The following SNX29 variants were observed in gnomAD, a reference collection of about 807,000 sequenced individuals.
SNX29 encodes the protein sorting nexin-29.
Under a neutral mutation model 102.1 loss-of-function variants are expected in SNX29, and 78 were observed. The observed-to-expected ratio is 0.76, with a 90% CI of 0.64 to 0.92. SNX29 has a LOEUF of 0.92. Ranked by LOEUF, SNX29 falls within the 40% of genes least tolerant of loss-of-function variation. SNX29 has a pLI of 0.00. For synonymous variants in SNX29, 580 were observed against 414.5 expected (o/e 1.40, Z -4.85); for missense variants, 1,280 against 1,061.7 (o/e 1.21, Z -2.86).
intron 15 of SNX29, among the ~76,000 whole-genome samples, chr16:12,310,932 C>T (rs1325068574): frequency 1.3e-5 from 2 of 152,164 alleles, no homozygotes; most frequent in African/African-American, 4.8e-5. Flanking sequence ...TAGCACATCC[C>T]CCACAGGGGA....
chr16:12,203,229 GGGTGGACT>G (rs1445642514), intron 14 of SNX29, among the ~76,000 whole-genome samples: 2 of 115,572 alleles, frequency 1.7e-5, no homozygotes. Flanking sequence ...CCCCACTCTC[GGGTGGACT>G]GGTGGTATTG....
chr16:12,367,258 C>T (rs1433252616), intron 16 of SNX29: 1 of 152,280 alleles, frequency 6.6e-6, no homozygotes, highest in Admixed American at 6.5e-5. Context: ...ATTTTCCTAC[C>T]CTCAGAGCCT....
intron 13 of SNX29, among the ~76,000 whole-genome samples, chr16:12,165,047 C>G (rs2055955280): frequency 6.6e-6 from 1 of 152,272 alleles, no homozygotes; most frequent in African/African-American, 2.4e-5. Context: ...CATTTGCCAT[C>G]ATGTGAGTGA....
chr16:12,097,542 A>AT (rs34337910), intron 11 of SNX29, among the ~76,000 whole-genome samples: 100,612 of 149,056 alleles, frequency 0.67, 35,271 homozygotes, highest in East Asian at 0.91. Flanking sequence ...GCCACACATG[A>AT]TTTTTTTTTT....
intron 3 of SNX29, among the ~76,000 whole-genome samples, 173 bp downstream of exon 3, chr16:12,003,216 G>A (rs911313988): frequency 6.6e-6 from 1 of 152,246 alleles, no homozygotes; most frequent in Admixed American, 6.5e-5. Context: ...CTCAACCGTG[G>A]ACTCTGTGCG....
intron 13 of SNX29, among the ~76,000 whole-genome samples, chr16:12,133,259 T>G (rs2054537893): frequency 6.6e-6 from 1 of 151,192 alleles, no homozygotes; most frequent in Non-Finnish European, 1.5e-5. Flanking sequence ...TTAACTTCTC[T>G]GTTTCTGTTT....
At chr16:12,480,251 C>G (rs1310490841) in intron 19 of SNX29, among the ~76,000 whole-genome samples, 1 of 152,156 alleles carries the variant, frequency 6.6e-6, no homozygotes, top group Non-Finnish European at 1.5e-5. Flanking sequence ...GAGCTAAAAT[C>G]AAGACGTCAC....
At chr16:12,277,896 G>A in intron 14 of SNX29, 37 bp from the exon 15 acceptor site, 2 of 1,548,032 alleles carry the variant, frequency 1.3e-6, no homozygotes, top group Non-Finnish European at 1.8e-6. Flanking sequence ...TTTCGATACT[G>A]TTGAAATATT....
chr16:12,559,173 G>C (rs573221144), intron 20 of SNX29, among the ~76,000 whole-genome samples: 1 of 152,200 alleles, frequency 6.6e-6, no homozygotes, highest in East Asian at 1.9e-4. Context: ...TCCATAGCCT[G>C]TTAGGTACTG....
At chr16:12,067,230 AG>A (rs2051078840) in intron 9 of SNX29, among the ~76,000 whole-genome samples, 1 of 152,052 alleles carries the variant, frequency 6.6e-6, no homozygotes, top group African/African-American at 2.4e-5. Flanking sequence ...GAGAATTTGG[AG>A]TCAGTAAATA....
At chr16:11,989,015 C>T (rs967919630) in intron 1 of SNX29, among the ~76,000 whole-genome samples, 4 of 152,228 alleles carry the variant, frequency 2.6e-5, no homozygotes, top group African/African-American at 7.2e-5. Flanking sequence ...CTCTGTCGCC[C>T]AGGCTGGAGT....
chr16:12,315,825 T>C (rs2080714562), intron 15 of SNX29, among the ~76,000 whole-genome samples: 2 of 152,214 alleles, frequency 1.3e-5, no homozygotes, highest in Non-Finnish European at 2.9e-5. Flanking sequence ...TGACTCATGG[T>C]AGAGAGTTTG....
intron 18 of SNX29, among the ~76,000 whole-genome samples, chr16:12,465,800 T>A (rs2087022831): frequency 6.6e-6 from 1 of 152,120 alleles, no homozygotes; most frequent in Non-Finnish European, 1.5e-5. Context: ...TATTATTTCT[T>A]CTAGTCCATA....
intron 8 of SNX29, among the ~76,000 whole-genome samples, chr16:12,058,499 T>G (rs1374650657): frequency 7.3e-6 from 1 of 136,538 alleles, no homozygotes; most frequent in Non-Finnish European, 1.6e-5. Context: ...TTTTTGGTTT[T>G]TTTTTTTTTT....
At chr16:12,244,102 T>C (rs1555496512) in intron 14 of SNX29, among the ~76,000 whole-genome samples, 3 of 152,124 alleles carry the variant, frequency 2.0e-5, no homozygotes. Flanking sequence ...CATGCACCTC[T>C]GAGATTCTAA....
intron 3 of SNX29, among the ~76,000 whole-genome samples, chr16:12,017,509 T>C (rs2056886453): frequency 6.6e-6 from 1 of 152,256 alleles, no homozygotes; most frequent in African/African-American, 2.4e-5. Context: ...TGTTTCACTG[T>C]ATTTATGGTA....
intron 20 of SNX29, among the ~76,000 whole-genome samples, chr16:12,547,403 G>C (rs914726098): frequency 2.0e-5 from 3 of 152,274 alleles, no homozygotes; most frequent in African/African-American, 4.8e-5. Context: ...GATAGAACAG[G>C]TAGTTAGGGG....
intron 14 of SNX29, among the ~76,000 whole-genome samples, chr16:12,228,741 C>T (rs773223440): frequency 4.6e-5 from 7 of 152,240 alleles, no homozygotes; most frequent in African/African-American, 1.2e-4. Flanking sequence ...GTGTTTTTCC[C>T]GCCTCAGGGC....
intron 18 of SNX29, among the ~76,000 whole-genome samples, chr16:12,423,012 C>G (rs1394005844): frequency 6.6e-6 from 1 of 152,182 alleles, no homozygotes; most frequent in Non-Finnish European, 1.5e-5. Flanking sequence ...TCAGGCTTCT[C>G]AAAGCCCAGC....
Sources: gnomAD v4.1 joint callset for allele counts (sites outside exome capture counted in the v4.1 genomes callset) on GRCh38, gnomAD v4.1.1 for gene constraint, MANE v1.5 for transcripts, NCBI Gene and HGNC (gene_info 2026-07-23, HGNC 2026-07-21) for gene names.